Variants in ZNF17 observed in about 807,000 individuals in gnomAD.
The protein encoded by ZNF17 is zinc finger protein 17 (HPF3, KOX 10).
A neutral mutation model predicts 7.7 loss-of-function variants in ZNF17; 4 were observed. That is an observed-to-expected ratio of 0.52 (90% CI 0.26 to 1.20). The LOEUF is 1.20. ZNF17 is among the 50% of genes most tolerant of loss of function. The pLI is 0.14. For missense variants in ZNF17, 738 were observed against 799.5 expected (o/e 0.92, Z 0.93); for synonymous variants, 249 against 258.8 (o/e 0.96, Z 0.36).
At chr19:57,412,191 G>A (rs953856220) in intron 1 of ZNF17, among the ~76,000 whole-genome samples, 1 of 152,144 alleles carries the variant, frequency 6.6e-6, no homozygotes, top group Non-Finnish European at 1.5e-5. Context: ...ACTGAGGTGT[G>A]AGGTGGTTTA....
At position 57,421,307 on chromosome 19, in the gene ZNF17, TG is replaced by T. The variant is rs1568539780; in HGVS notation, c.1823del (p.Gly608GlufsTer84). The T allele has an allele frequency of 6.2e-7, 1 of 1,614,152 alleles. No individual in the cohort carries two copies. Among genetic ancestry groups the T allele is most frequent in the Admixed American group, 1.7e-5 (1 of 60,026 alleles). On this transcript the variant is annotated frameshift_variant, in exon 4 of 4. Coordinates refer to ENST00000307658, the MANE Select transcript of ZNF17 (RefSeq NM_001330617.2). LOFTEE classifies it low-confidence loss of function (END_TRUNC). ...TCATTAGTCATGAGAGAGTTCATACTGGAGAAAAGCCTTATGAGTGCAGTGA... is the reference window on the plus strand; with the variant it reads ...TCATTAGTCATGAGAGAGTTCATACTGAGAAAAGCCTTATGAGTGCAGTGA... ...TLISHERVHTGEKPYECSECG... is the reference protein window; with the variant it reads ...TLISHERVHTXEKPYECSECG...
rs1032224158 is a variant in ZNF17, at chr19:57,419,732, C to T, written c.246C>T (p.Thr82=). 2 of 1,614,186 alleles carry T rather than the reference C, an allele frequency of 1.2e-6. No homozygotes were observed. The highest frequency in any genetic ancestry group is 1.7e-6 in the Non-Finnish European group (2 of 1,180,040). Residue 82 remains threonine (T), a synonymous_variant, in exon 4 of 4, where the codon ACC becomes ACT. Coordinates refer to ENST00000307658, the MANE Select transcript of ZNF17 (RefSeq NM_001330617.2). ...QVTTLKPALS[T]QKAQPCETCS... ...CAACTTTAAAGCCAGCTTTGTCCAC[C>T]CAGAAGGCCCAGCCCTGTGAGACAT...
At position 57,418,035 on chromosome 19, in the gene ZNF17, G is replaced by T. The variant is rs1232405252; in HGVS notation, c.145G>T (p.Val49Leu). Residue 49 changes from valine to leucine, a missense_variant, in exon 3 of 4, where the codon GTA becomes TTA. Val to Leu is a conservative substitution (Grantham distance 32). This residue lies in a region of ZNF17 where 616 missense variants were observed against 663.9 expected (regional missense o/e 0.93). Coordinates refer to ENST00000307658, the MANE Select transcript of ZNF17 (RefSeq NM_001330617.2). Reference sequence around the variant, plus strand: ...GGAGAACTTTGCACTTTTGTCCTCAGTAGGTAAGGCCCTGACACCTACGTC... The same window carrying T: ...GGAGAACTTTGCACTTTTGTCCTCATTAGGTAAGGCCCTGACACCTACGTC... The part of the protein sequence containing the change: ...MLENFALLSS[V>L]GCWHGAKDEE... 1.1e-5 allele frequency: 18 copies of T among 1,613,260 alleles called. No individual in the cohort carries two copies. Among genetic ancestry groups the T allele is most frequent in the Middle Eastern group, 1.6e-4 (1 of 6,080 alleles).
Position 57,420,336 on chromosome 19 carries a change from G to C in ZNF17, c.850G>C (p.Ala284Pro). The C allele has an allele frequency of 6.2e-7, 1 of 1,612,488 alleles. No homozygotes were observed. Among genetic ancestry groups the C allele is most frequent in the Non-Finnish European group, 8.5e-7 (1 of 1,179,524 alleles). The change falls in exon 4 of 4, where the codon GCT becomes CCT. Residue 284 changes from alanine to proline, a missense_variant. Coordinates refer to ENST00000307658, the MANE Select transcript of ZNF17 (RefSeq NM_001330617.2). ...TTATGAGTGCAGTGAATGTGGGAAA[G>C]CTTTTCTTAGAAAGTCTCACCTACT... ...RPYECSECGK[A>P]FLRKSHLLQH... is the part of the protein sequence containing the mutation.
In ZNF17 at chr19:57,420,754, A is replaced by G; in HGVS notation, c.1268A>G (p.Lys423Arg). 3 of 1,614,114 alleles carry G rather than the reference A, an allele frequency of 1.9e-6. No individual in the cohort carries two copies. The highest frequency in any genetic ancestry group is 2.5e-6 in the Non-Finnish European group (3 of 1,179,974). ...CCTTATGAGTGTAGTGAATGTGGGA[A>G]GTTCTTTATGGACACTTCCACACTC... ...EKPYECSECG[K>R]FFMDTSTLII... Residue 423 changes from lysine to arginine, a missense_variant, in exon 4 of 4, where the codon AAG becomes AGG. Lys to Arg is a conservative substitution (Grantham distance 26, BLOSUM62 2). This residue lies in a region of ZNF17 where 616 missense variants were observed against 663.9 expected (regional missense o/e 0.93). Transcript: ENST00000307658.
Sources: allele counts gnomAD v4.1 joint callset (sites outside exome capture counted in the v4.1 genomes callset), GRCh38; gene constraint gnomAD v4.1.1; regional missense constraint gnomAD v4.1.1; transcripts MANE v1.5; gene names NCBI Gene and HGNC (gene_info 2026-07-23, HGNC 2026-07-21).